The following RXFP1 variants were observed in gnomAD, a reference collection of about 807,000 sequenced individuals.
The protein encoded by RXFP1 is relaxin family peptide receptor 1.
Under a neutral mutation model 89.8 loss-of-function variants are expected in RXFP1, and 73 were observed. That is an observed-to-expected ratio of 0.81 (90% confidence interval 0.67 to 0.99). RXFP1 has a LOEUF of 0.99. RXFP1 is among the 50% of genes least tolerant of loss of function. The pLI, the probability that RXFP1 is intolerant of heterozygous loss-of-function variation, is 0.00. For missense variants in RXFP1, 793 were observed against 895.5 expected (o/e 0.89, Z 1.46); for synonymous variants, 277 against 305.5 (o/e 0.91, Z 0.97).
intron 4 of RXFP1, among the ~76,000 whole-genome samples, chr4:158,600,663 CA>C (rs568534680): frequency 6.7e-6 from 1 of 150,274 alleles, no homozygotes; most frequent in African/African-American, 2.4e-5. Flanking sequence ...CCCATCACTA[CA>C]AAAAAAAATA....
At chr4:158,621,270 C>CCA (rs2150162266) in intron 9 of RXFP1, among the ~76,000 whole-genome samples, 1 of 152,100 alleles carries the variant, frequency 6.6e-6, no homozygotes, top group Non-Finnish European at 1.5e-5. Flanking sequence ...TATGATTGTG[C>CCA]CACTACACTC....
chr4:158,638,632 A>C (rs992123409), intron 13 of RXFP1, among the ~76,000 whole-genome samples: 8 of 152,062 alleles, frequency 5.3e-5, no homozygotes, highest in Non-Finnish European at 1.2e-4. Context: ...ACATAGGGAG[A>C]TGCTGCCTCT....
intron 14 of RXFP1, among the ~76,000 whole-genome samples, chr4:158,641,637 G>C (rs1428459885): frequency 6.6e-6 from 1 of 152,192 alleles, no homozygotes; most frequent in Non-Finnish European, 1.5e-5. Flanking sequence ...TTGACCTTGA[G>C]CTTGACAGGA....
intron 2 of RXFP1, among the ~76,000 whole-genome samples, chr4:158,589,143 A>G (rs185848016): frequency 1.4e-3 from 213 of 152,290 alleles, no homozygotes; most frequent in Middle Eastern, 3.4e-3. Flanking sequence ...AGCCCCTTAT[A>G]AAACCATCAG....
intron 14 of RXFP1, among the ~76,000 whole-genome samples, chr4:158,641,348 T>C (rs1210723690): frequency 6.6e-6 from 1 of 152,220 alleles, no homozygotes; most frequent in Non-Finnish European, 1.5e-5. Flanking sequence ...TACTCTGGGC[T>C]AGGGATTGCC....
chr4:158,541,722 C>T (rs1746681979), intron 1 of RXFP1, among the ~76,000 whole-genome samples: 2 of 152,070 alleles, frequency 1.3e-5, no homozygotes, highest in Admixed American at 1.3e-4. Context: ...TTGAGACTCA[C>T]TGACGACATT....
intron 5 of RXFP1, chr4:158,607,157 T>A (rs985641224): frequency 1.8e-5 from 26 of 1,483,062 alleles, no homozygotes; most frequent in Non-Finnish European, 2.1e-5. Flanking sequence ...AGTGCAAAAC[T>A]TTGTGTGGGT....
Position 158,542,094 on chromosome 4 carries a change from TA to T in RXFP1, c.49+20070del, listed in dbSNP as rs1560973127. Reference sequence around the variant, plus strand: ...GCCACCATGGCTATATATATATATATATATATATATATATATTTTTTTTTTA... The same window carrying T: ...GCCACCATGGCTATATATATATATATTATATATATATATATTTTTTTTTTA... On this transcript the variant is annotated intron_variant, in intron 1 of 17. Coordinates refer to ENST00000307765, the MANE Select transcript of RXFP1 (RefSeq NM_021634.4). 4.5e-4 allele frequency among the ~76,000 whole-genome samples: 18 copies of T among 40,030 alleles called. 1 individual carries two copies. Among genetic ancestry groups the T allele is most frequent in the South Asian group, 3.7e-3 (3 of 804 alleles). 26.3% of individuals were successfully genotyped at this position (40,030 alleles called of 152,430 possible). A position where few individuals can be genotyped will look rare whatever the true frequency, so the allele number is the denominator to read the frequency against.
At chr4:158,638,971 G>A (rs1769802160) in intron 13 of RXFP1, among the ~76,000 whole-genome samples, 2 of 152,072 alleles carry the variant, frequency 1.3e-5, no homozygotes, top group South Asian at 4.1e-4. Flanking sequence ...AAAAGATAAT[G>A]CTTGTGCATT....
At chr4:158,543,329 G>T (rs1747321091) in intron 1 of RXFP1, among the ~76,000 whole-genome samples, 1 of 152,196 alleles carries the variant, frequency 6.6e-6, no homozygotes, top group Non-Finnish European at 1.5e-5. Flanking sequence ...AGGAAGAAGG[G>T]GAAGAGTGAT....
intron 1 of RXFP1, among the ~76,000 whole-genome samples, chr4:158,548,610 A>G (rs1212265695): frequency 1.3e-5 from 2 of 152,082 alleles, no homozygotes; most frequent in Non-Finnish European, 2.9e-5. Flanking sequence ...TTCCTTGTTT[A>G]GTGCTTCCTT....
At chr4:158,555,022 C>T (rs1004476216) in intron 1 of RXFP1, among the ~76,000 whole-genome samples, 12 of 152,094 alleles carry the variant, frequency 7.9e-5, no homozygotes, top group African/African-American at 2.9e-4. Flanking sequence ...TTATCAATTA[C>T]ACTCTTACTT....
In RXFP1 at chr4:158,633,515, TTTA is replaced by T. The variant is rs776719063; in HGVS notation, c.971+45_971+47del. 1.2e-5 allele frequency: 15 copies of T among 1,266,548 alleles called. No individual in the cohort carries two copies. The African/African-American group carries it at 1.7e-4, about 14-fold the overall frequency. 78.5% of individuals were successfully genotyped at this position (1,266,548 alleles called of 1,614,324 possible). On this transcript the variant is annotated intron_variant, in intron 12 of 17. Transcript: ENST00000307765. ...TAATTTTGCCACCTCGTTTCTTTAT[TTTA>T]TTATTTTTTAAATTGTAAAATATGC...
At chr4:158,527,142 TA>T (rs922696351) in intron 1 of RXFP1, among the ~76,000 whole-genome samples, 2 of 152,126 alleles carry the variant, frequency 1.3e-5, no homozygotes, top group African/African-American at 4.8e-5. Flanking sequence ...GATTCACACT[TA>T]AAAAAACAAA....
intron 1 of RXFP1, among the ~76,000 whole-genome samples, chr4:158,554,966 A>G (rs1048107226): frequency 1.3e-5 from 2 of 152,224 alleles, no homozygotes; most frequent in African/African-American, 4.8e-5. Context: ...AATACTTTAA[A>G]AAAATAAAGT....
chr4:158,628,226 C>T (rs1767294352), intron 10 of RXFP1, among the ~76,000 whole-genome samples: 1 of 152,092 alleles, frequency 6.6e-6, no homozygotes, highest in Non-Finnish European at 1.5e-5. Context: ...TAGGCAGATC[C>T]GCCCGAAATC....
rs761339675 is a variant in RXFP1, at chr4:158,617,222, T to G, written c.755+17T>G. On this transcript the variant is annotated intron_variant, in intron 9 of 17. Coordinates refer to ENST00000307765, the MANE Select transcript of RXFP1 (RefSeq NM_021634.4). Reference sequence around the variant, plus strand: ...ACATTGGCTGTAAGCGATTCTGTCTTTTTTTAAAGAACTCAACTAAATTTT... The same window carrying G: ...ACATTGGCTGTAAGCGATTCTGTCTGTTTTTAAAGAACTCAACTAAATTTT... The G allele has an allele frequency of 1.9e-6, 3 of 1,573,870 alleles. No homozygotes were observed. Among genetic ancestry groups the G allele is most frequent in the East Asian group, 4.6e-5 (2 of 43,866 alleles).
intron 1 of RXFP1, chr4:158,544,375 G>A: frequency 2.0e-6 from 2 of 984,714 alleles, no homozygotes; most frequent in Non-Finnish European, 1.2e-6. Context: ...AAGAGGGACA[G>A]ATCACCCAGA....
At chr4:158,561,528 C>T (rs1752422880) in intron 1 of RXFP1, among the ~76,000 whole-genome samples, 1 of 151,756 alleles carries the variant, frequency 6.6e-6, no homozygotes, top group Admixed American at 6.6e-5. Flanking sequence ...AATGCATTTG[C>T]AAATATTCCA....
Sources: allele counts gnomAD v4.1 joint callset (sites outside exome capture counted in the v4.1 genomes callset), GRCh38; gene constraint gnomAD v4.1.1; transcripts MANE v1.5; gene names NCBI Gene and HGNC (gene_info 2026-07-23, HGNC 2026-07-21).